The following BTBD9 variants were observed in gnomAD, a reference collection of about 807,000 sequenced individuals.
BTBD9 encodes the protein BTB/POZ domain-containing protein 9.
BTBD9 carries 49 observed loss-of-function variants against 64.3 expected under a neutral mutation model. That is an observed-to-expected ratio of 0.76 (90% CI 0.61 to 0.97). The LOEUF (loss-of-function observed/expected upper bound fraction) is 0.97. Among genes scored for constraint, BTBD9 ranks in the 50% least tolerant of loss-of-function variants. The pLI is 0.00. For synonymous variants in BTBD9, 260 were observed against 274.7 expected (o/e 0.95, Z 0.53); for missense variants, 598 against 762.1 (o/e 0.78, Z 2.53).
chr6:38,438,110 G>A (rs901271832), intron 6 of BTBD9, among the ~76,000 whole-genome samples: 3 of 151,156 alleles, frequency 2.0e-5, no homozygotes, highest in Non-Finnish European at 4.4e-5. Flanking sequence ...GAAAACATTT[G>A]TAGAAAGGAT....
chr6:38,489,503 T>C (rs1384325875), intron 6 of BTBD9, among the ~76,000 whole-genome samples: 1 of 151,740 alleles, frequency 6.6e-6, no homozygotes, highest in Non-Finnish European at 1.5e-5. Context: ...AATTACAGTA[T>C]TTTTTTTCAC....
intron 6 of BTBD9, among the ~76,000 whole-genome samples, chr6:38,367,244 A>T (rs1400668738): frequency 6.6e-6 from 1 of 152,200 alleles, no homozygotes; most frequent in Non-Finnish European, 1.5e-5. Context: ...AGATTAGTAA[A>T]ATTTGGTTAA....
chr6:38,272,681 T>C (rs992625942), intron 8 of BTBD9, among the ~76,000 whole-genome samples: 1 of 152,174 alleles, frequency 6.6e-6, no homozygotes, highest in Non-Finnish European at 1.5e-5. Context: ...AGTAGGGCTA[T>C]TATCAACAAG....
intron 1 of BTBD9, among the ~76,000 whole-genome samples, chr6:38,624,896 T>C (rs1778119117): frequency 6.6e-6 from 1 of 152,174 alleles, no homozygotes; most frequent in African/African-American, 2.4e-5. Flanking sequence ...AATCTTGAAA[T>C]GTCTAGTATT....
intron 1 of BTBD9, among the ~76,000 whole-genome samples, chr6:38,616,278 C>A (rs1200574824): frequency 6.6e-6 from 1 of 152,188 alleles, no homozygotes; most frequent in African/African-American, 2.4e-5. Context: ...CCTGCTGACA[C>A]TTTGATTTCA....
intron 7 of BTBD9, among the ~76,000 whole-genome samples, chr6:38,314,541 T>C (rs903399075): frequency 3.9e-5 from 6 of 152,218 alleles, no homozygotes; most frequent in African/African-American, 1.4e-4. Context: ...TTAGTATTAG[T>C]TCTTCTTTAA....
intron 7 of BTBD9, among the ~76,000 whole-genome samples, chr6:38,299,701 GTTGT>G (rs900027599): frequency 1.1e-3 from 168 of 152,232 alleles, no homozygotes; most frequent in African/African-American, 2.8e-3. Flanking sequence ...TTTTGATGGG[GTTGT>G]TTGTTTTTTT....
At chr6:38,281,445 A>T (rs1366372264) in intron 8 of BTBD9, among the ~76,000 whole-genome samples, 7 of 152,156 alleles carry the variant, frequency 4.6e-5, no homozygotes, top group East Asian at 3.8e-4. Flanking sequence ...TATTATTATT[A>T]TTTTTTTAGG....
intron 6 of BTBD9, among the ~76,000 whole-genome samples, chr6:38,445,830 T>C (rs1769252466): frequency 1.3e-5 from 2 of 152,206 alleles, no homozygotes; most frequent in Admixed American, 6.5e-5. Context: ...AAGATGAGTA[T>C]GGTGGGAAGG....
chr6:38,544,532 G>A (rs979606558), intron 6 of BTBD9, among the ~76,000 whole-genome samples: 1 of 152,062 alleles, frequency 6.6e-6, no homozygotes, highest in Admixed American at 6.6e-5. Flanking sequence ...AAGGAGGTGA[G>A]AAATGAAGCA....
chr6:38,552,396 A>C (rs1001328837), intron 6 of BTBD9, among the ~76,000 whole-genome samples: 3 of 152,218 alleles, frequency 2.0e-5, no homozygotes, highest in Admixed American at 6.5e-5. Flanking sequence ...GTCCAGAAAG[A>C]GGAAGTAATG....
At chr6:38,384,206 G>C (rs1000730454) in intron 6 of BTBD9, among the ~76,000 whole-genome samples, 1 of 152,048 alleles carries the variant, frequency 6.6e-6, no homozygotes, top group South Asian at 2.1e-4. Context: ...TTCTTTCTGC[G>C]AAGTATCTTG....
intron 7 of BTBD9, among the ~76,000 whole-genome samples, chr6:38,311,003 G>T (rs989615914): frequency 3.9e-5 from 6 of 152,134 alleles, no homozygotes; most frequent in Admixed American, 1.3e-4. Flanking sequence ...TAGAGACGGG[G>T]TTTCACCATG....
intron 6 of BTBD9, among the ~76,000 whole-genome samples, chr6:38,505,529 C>A (rs1562273167): frequency 6.6e-6 from 1 of 151,570 alleles, no homozygotes; most frequent in Non-Finnish European, 1.5e-5. Flanking sequence ...GAGGCAGAGG[C>A]AGAAGAATTG....
At chr6:38,540,947 A>G (rs1249652917) in intron 6 of BTBD9, among the ~76,000 whole-genome samples, 3 of 152,234 alleles carry the variant, frequency 2.0e-5, no homozygotes, top group African/African-American at 7.2e-5. Flanking sequence ...TACTTTATAC[A>G]CAGCATCACC....
At chr6:38,248,862 T>C (rs1764296200) in intron 9 of BTBD9, among the ~76,000 whole-genome samples, 1 of 152,200 alleles carries the variant, frequency 6.6e-6, no homozygotes, top group Admixed American at 6.5e-5. Flanking sequence ...GATATGCACA[T>C]GAAATATTAC....
At chr6:38,255,188 T>C (rs1244402113) in intron 9 of BTBD9, among the ~76,000 whole-genome samples, 1 of 152,244 alleles carries the variant, frequency 6.6e-6, no homozygotes, top group African/African-American at 2.4e-5. Flanking sequence ...ATTCCATTTA[T>C]ATGAAATGTC....
chr6:38,208,190 C>T (rs1028247527), intron 9 of BTBD9, among the ~76,000 whole-genome samples: 3 of 152,124 alleles, frequency 2.0e-5, no homozygotes, highest in Non-Finnish European at 4.4e-5. Context: ...ACGGCAGTGA[C>T]GGCGGTGCCC....
intron 6 of BTBD9, among the ~76,000 whole-genome samples, chr6:38,418,181 T>G (rs1260511675): frequency 3.9e-5 from 6 of 152,232 alleles, no homozygotes; most frequent in African/African-American, 1.4e-4. Flanking sequence ...TGGTATGAGA[T>G]GAGCCTTCCA....
Sources: allele counts gnomAD v4.1 joint callset (sites outside exome capture counted in the v4.1 genomes callset), GRCh38; gene constraint gnomAD v4.1.1; transcripts MANE v1.5; gene names NCBI Gene and HGNC (gene_info 2026-07-23, HGNC 2026-07-21).